The following RNF125 variants were observed in gnomAD, a reference collection of about 807,000 sequenced individuals.
RNF125 encodes the protein ring finger protein 125.
A neutral mutation model predicts 26.0 loss-of-function variants in RNF125; 21 were observed. That is an observed-to-expected ratio of 0.81 (90% confidence interval 0.57 to 1.16). The LOEUF (loss-of-function observed/expected upper bound fraction) is 1.16. RNF125 is among the 50% of genes most tolerant of loss of function. RNF125 has a pLI of 0.00. For missense variants in RNF125, 270 were observed against 299.4 expected (o/e 0.90, Z 0.72); for synonymous variants, 95 against 109.2 (o/e 0.87, Z 0.81).
At chr18:32,060,147 G>A (rs2039421368) in intron 4 of RNF125, among the ~76,000 whole-genome samples, 1 of 152,184 alleles carries the variant, frequency 6.6e-6, no homozygotes, top group Non-Finnish European at 1.5e-5. Flanking sequence ...GGCCTATTTG[G>A]AGTCAACATG....
rs1568209616 is a variant in RNF125 at position 32,065,987 on chromosome 18, CT to C, written c.593del (p.Leu198CysfsTer7). On this transcript the variant is annotated frameshift_variant, in exon 5 of 6. Transcript: ENST00000217740. LOFTEE classifies it high-confidence loss of function. The part of the protein sequence containing the change: ...SLIRHLQVSH[T>X]LFYDDFIDFN... ...ATAAGACATCTGCAAGTTAGTCACACTTTGTTTTATGATGATTTCATAGTAA... is the reference window on the plus strand; with the variant it reads ...ATAAGACATCTGCAAGTTAGTCACACTTGTTTTATGATGATTTCATAGTAA... The C allele has an allele frequency of 6.2e-7, 1 of 1,604,416 alleles. No individual in the cohort carries two copies. Among genetic ancestry groups the C allele is most frequent in the East Asian group, 2.2e-5 (1 of 44,812 alleles).
At chr18:32,068,128 C>A (rs2039500771) in intron 5 of RNF125, among the ~76,000 whole-genome samples, 170 bp from the exon 6 acceptor site, 1 of 152,168 alleles carries the variant, frequency 6.6e-6, no homozygotes, top group African/African-American at 2.4e-5. Flanking sequence ...GTAGAAAATT[C>A]ATTAGCCCCA....
chr18:32,080,595 AGTT>A, the RNF125 span, among the ~76,000 whole-genome samples: 253 of 152,354 alleles, frequency 1.7e-3, 1 homozygote, highest in African/African-American at 5.7e-3. Flanking sequence ...AGAAAAGGGG[AGTT>A]GTTGTTCATG....
At chr18:32,019,700 G>A (rs1170058121) in intron 1 of RNF125, among the ~76,000 whole-genome samples, 1 of 152,130 alleles carries the variant, frequency 6.6e-6, no homozygotes, top group Non-Finnish European at 1.5e-5. Flanking sequence ...AACCTGCTAG[G>A]GTGGGGCTTG....
intron 1 of RNF125, among the ~76,000 whole-genome samples, chr18:32,024,198 TTTTTTTTTTTC>T (rs1019773830): frequency 6.4e-5 from 6 of 93,660 alleles, no homozygotes; most frequent in South Asian, 3.2e-4. Flanking sequence ...CATTCTTTTT[TTTTTTTTTTTC>T]TTTTTTTTTT....
chr18:32,029,153 CTTTAA>C (rs747132368), intron 1 of RNF125, among the ~76,000 whole-genome samples: 10 of 152,006 alleles, frequency 6.6e-5, no homozygotes, highest in Non-Finnish European at 8.8e-5. Flanking sequence ...CTTTGGTGGA[CTTTAA>C]TTTAAGAAGT....
At chr18:32,046,370 G>A (rs1175053320) in intron 4 of RNF125, among the ~76,000 whole-genome samples, 1 of 151,996 alleles carries the variant, frequency 6.6e-6, no homozygotes, top group Non-Finnish European at 1.5e-5. Context: ...GCCGAGGCAG[G>A]CAGATCACGA....
chr18:32,041,645 T>TTTTTTTTTTTTTG (rs1242648581), intron 2 of RNF125, among the ~76,000 whole-genome samples: 1 of 95,470 alleles, frequency 1.0e-5, no homozygotes, highest in African/African-American at 5.3e-5. Flanking sequence ...TTTTTTTTTT[T>TTTTTTTTTTTTTG]TTTGAGACGG....
intron 4 of RNF125, among the ~76,000 whole-genome samples, chr18:32,056,508 C>T (rs1444437603): frequency 2.6e-5 from 4 of 150,996 alleles, no homozygotes; most frequent in Admixed American, 6.6e-5. Flanking sequence ...CCCAGCTACT[C>T]GGGAGGCTGA....
chr18:32,031,510 AAAG>A (rs1368328809), intron 1 of RNF125, among the ~76,000 whole-genome samples: 6 of 151,160 alleles, frequency 4.0e-5, no homozygotes, highest in Non-Finnish European at 7.4e-5. Flanking sequence ...AAAAAAAAAA[AAAG>A]GGAAAACTGC....
chr18:32,078,983 C>A, the RNF125 span, among the ~76,000 whole-genome samples: 1 of 152,166 alleles, frequency 6.6e-6, no homozygotes, highest in Non-Finnish European at 1.5e-5. Flanking sequence ...ATCCCTTGAC[C>A]ATACATCTAT....
intron 1 of RNF125, among the ~76,000 whole-genome samples, chr18:32,022,395 A>AT (rs1055870403): frequency 4.6e-5 from 7 of 152,168 alleles, no homozygotes; most frequent in African/African-American, 9.7e-5. Context: ...TTTGAATTTG[A>AT]TTTTTTTCCC....
At chr18:32,034,311 CCTT>C (rs1156858887) in intron 1 of RNF125, among the ~76,000 whole-genome samples, 1 of 152,172 alleles carries the variant, frequency 6.6e-6, no homozygotes, top group African/African-American at 2.4e-5. Flanking sequence ...GGCGTTATCT[CCTT>C]AGCATCCCGC....
intron 4 of RNF125, among the ~76,000 whole-genome samples, chr18:32,046,214 CA>C (rs768054716): frequency 0.021 from 1,598 of 76,106 alleles, 17 homozygotes; most frequent in African/African-American, 0.08. Context: ...AAGACTGTCT[CA>C]AAAAAAAAAA....
chr18:32,043,681 CTAATT>C (rs2039240951), intron 3 of RNF125, among the ~76,000 whole-genome samples: 1 of 151,922 alleles, frequency 6.6e-6, no homozygotes, highest in Non-Finnish European at 1.5e-5. Context: ...TATATGAAAG[CTAATT>C]TGAATCCCAA....
intron 2 of RNF125, 38 bp from the exon 3 acceptor site, chr18:32,042,137 CTTTT>C (rs2039226821): frequency 4.8e-6 from 7 of 1,447,610 alleles, no homozygotes; most frequent in Non-Finnish European, 6.8e-6. Context: ...TCATTGAGCC[CTTTT>C]TTAACAGTGA....
chr18:32,063,818 A>C (rs1243427905), intron 4 of RNF125, among the ~76,000 whole-genome samples: 1 of 152,132 alleles, frequency 6.6e-6, no homozygotes, highest in African/African-American at 2.4e-5. Flanking sequence ...CCAATCTCAA[A>C]AGGTTAAATA....
At chr18:32,065,871 T>A in intron 4 of RNF125, 31 bp from the exon 5 acceptor site, 1 of 1,449,798 alleles carries the variant, frequency 6.9e-7, no homozygotes, top group Non-Finnish European at 9.7e-7. Context: ...TTTAAATTCT[T>A]TCTTGAACCC....
At chr18:32,030,702 A>G (rs2039084812) in intron 1 of RNF125, among the ~76,000 whole-genome samples, 1 of 152,224 alleles carries the variant, frequency 6.6e-6, no homozygotes, top group South Asian at 2.1e-4. Flanking sequence ...CAAATACTAC[A>G]GACTGGGTAA....
Sources: gnomAD v4.1 joint callset for allele counts (sites outside exome capture counted in the v4.1 genomes callset) on GRCh38, gnomAD v4.1.1 for gene constraint, MANE v1.5 for transcripts, NCBI Gene and HGNC (gene_info 2026-07-23, HGNC 2026-07-21) for gene names.